The following DNAH14 variants were observed in gnomAD, a reference collection of about 807,000 sequenced individuals.
DNAH14 encodes the protein axonemal beta dynein heavy chain 14.
In DNAH14, 478 loss-of-function variants were observed where a neutral mutation model predicts 520.9. That is an observed-to-expected ratio of 0.92 (90% confidence interval 0.85 to 0.99). The LOEUF is 0.99. Ranked by LOEUF, DNAH14 falls within the 50% of genes least tolerant of loss-of-function variation. The probability of loss-of-function intolerance (pLI) is 0.00; values close to 1 mark genes in which losing one functional copy is unlikely to be tolerated. For synonymous variants in DNAH14, 1,581 were observed against 1,757.2 expected, an observed-to-expected ratio of 0.90 and a Z score of 2.51; for missense variants, 4,831 against 5,234.5, an observed-to-expected ratio of 0.92 and a Z score of 2.38.
At chr1:225,384,236 G>A (rs2095813915) in intron 81 of DNAH14, among the ~76,000 whole-genome samples, 1 of 152,208 alleles carries the variant, frequency 6.6e-6, no homozygotes, top group Admixed American at 6.5e-5. Flanking sequence ...GGAGAGTTCT[G>A]TAGATGTCTA....
chr1:225,007,080 A>T (rs1208877231), intron 9 of DNAH14, among the ~76,000 whole-genome samples: 1 of 152,206 alleles, frequency 6.6e-6, no homozygotes, highest in African/African-American at 2.4e-5. Context: ...ATTGTTACAG[A>T]TAATGGTGAC....
chr1:225,010,807 T>G (rs189385569), intron 10 of DNAH14, among the ~76,000 whole-genome samples: 171 of 152,318 alleles, frequency 1.1e-3, no homozygotes, highest in African/African-American at 4.0e-3. Context: ...TTCATCTTCT[T>G]CCTGGTTTAG....
chr1:225,107,293 G>T (rs947559243), intron 23 of DNAH14, among the ~76,000 whole-genome samples: 1 of 152,170 alleles, frequency 6.6e-6, no homozygotes, highest in Admixed American at 6.5e-5. Flanking sequence ...CCCTACTGGG[G>T]GGTGCCTCTC....
intron 12 of DNAH14, 89 bp downstream of exon 12, chr1:225,038,912 C>T (rs2067204200): frequency 1.7e-6 from 2 of 1,187,376 alleles, no homozygotes; most frequent in South Asian, 1.8e-5. Context: ...ATGATTAATA[C>T]CCACAAGCCC....
intron 8 of DNAH14, among the ~76,000 whole-genome samples, chr1:225,001,044 C>T (rs1278741806): frequency 6.6e-6 from 1 of 151,794 alleles, no homozygotes; most frequent in Non-Finnish European, 1.5e-5. Flanking sequence ...GAATAGTTAT[C>T]GAATAAAAGT....
chr1:225,150,393 A>T (rs2149083215), intron 31 of DNAH14, among the ~76,000 whole-genome samples: 1 of 152,222 alleles, frequency 6.6e-6, no homozygotes, highest in Admixed American at 6.5e-5. Context: ...TAGTGTTAGG[A>T]TGATGCTGTT....
intron 36 of DNAH14, among the ~76,000 whole-genome samples, chr1:225,177,646 G>A (rs926666662): frequency 6.6e-6 from 1 of 152,222 alleles, no homozygotes; most frequent in East Asian, 1.9e-4. Flanking sequence ...GAGGGTGCAA[G>A]CCTCAAGCCT....
At chr1:225,394,061 C>T (rs923599839) in intron 84 of DNAH14, among the ~76,000 whole-genome samples, 2 of 152,100 alleles carry the variant, frequency 1.3e-5, no homozygotes, top group Admixed American at 6.5e-5. Flanking sequence ...ACCTCGTGAT[C>T]CCCCTGCTCC....
rs1207049168 is a variant in DNAH14, at chr1:225,252,290, T to G, written c.6749-11T>G. On this transcript the variant is annotated splice_polypyrimidine_tract_variant and intron_variant, in intron 43 of 85. Transcript: ENST00000682510. ...CCCTTTCTTAGTTGAATTTATTATTTTCGGTTGTAGGCATCAACCTACCAA... is the reference window on the plus strand; with the variant it reads ...CCCTTTCTTAGTTGAATTTATTATTGTCGGTTGTAGGCATCAACCTACCAA... 5 of 1,445,482 alleles carry G rather than the reference T, an allele frequency of 3.5e-6. No homozygotes were observed. The highest frequency in any genetic ancestry group is 4.8e-6 in the Non-Finnish European group (5 of 1,050,868). 89.5% of individuals were successfully genotyped at this position (1,445,482 alleles called of 1,614,324 possible). A position where few individuals can be genotyped will look rare whatever the true frequency, so the allele number is the denominator to read the frequency against.
chr1:225,101,920 T>TTAGG lies in DNAH14; in HGVS notation c.3867+1037_3867+1040dup, dbSNP rs1249461930. Among the ~76,000 whole-genome samples the TTAGG allele has an allele frequency of 2.0e-5, 3 of 151,316 alleles. No individual in the cohort carries two copies. In the East Asian group the frequency reaches 5.9e-4, roughly 30 times the overall value. On this transcript the variant is annotated intron_variant, in intron 23 of 85. Transcript: ENST00000682510. ...TTTTTTTTTTTTAATACTTTAAGTT[T>TTAGG]TAGGGTACATGTGCACAACGTGCAG...
chr1:225,147,176 G>A lies in DNAH14; in HGVS notation c.4867G>A (p.Asp1623Asn). The A allele has an allele frequency of 6.5e-7, 1 of 1,550,314 alleles. No individual in the cohort carries two copies. Among genetic ancestry groups the A allele is most frequent in the Non-Finnish European group, 8.7e-7 (1 of 1,146,480 alleles). ...TTGTTTTGATGAATTCAATCTAATT[G>A]ATTTGGAAGTTCTCTCTGTCATTGC... ...WSCFDEFNLI[D>N]LEVLSVIASQ... is the part of the protein sequence containing the mutation. The change falls in exon 31 of 86, where the codon GAT (aspartate) becomes AAT (asparagine). Residue 1623 changes from aspartate to asparagine, a missense_variant. Asp to Asn is a conservative substitution (Grantham distance 23, BLOSUM62 1). Transcript: ENST00000682510.
chr1:225,051,843 A>G (rs1054665183), intron 17 of DNAH14, 48 bp downstream of exon 17: 29 of 1,278,936 alleles, frequency 2.3e-5, no homozygotes, highest in Non-Finnish European at 2.9e-5. Context: ...TCAGATTAGT[A>G]AATTTTAAAT....
chr1:225,142,744 A>G (rs1355612248), intron 28 of DNAH14, among the ~76,000 whole-genome samples: 1 of 152,158 alleles, frequency 6.6e-6, no homozygotes, highest in Non-Finnish European at 1.5e-5. Context: ...TCTGGCCAAC[A>G]TGGTGAAAAC....
At chr1:225,294,287 C>T (rs138298361) in intron 55 of DNAH14, among the ~76,000 whole-genome samples, 1 of 151,928 alleles carries the variant, frequency 6.6e-6, no homozygotes, top group Non-Finnish European at 1.5e-5. Flanking sequence ...GACATAAATA[C>T]CAGTTGATAA....
rs112676948 is a variant in DNAH14, at chr1:225,175,387, G to C, written c.5535+7359G>C. On this transcript the variant is annotated intron_variant, in intron 36 of 85. Transcript: ENST00000682510. ...AATCTTGATAAGTTGTATGTGTCCA[G>C]CAATATATCAGTTTCTTCTAGGTTT... Among the ~76,000 whole-genome samples, 587 of 152,176 alleles carry C rather than the reference G, an allele frequency of 3.9e-3. 4 individuals carry two copies. The highest frequency in any genetic ancestry group is 0.013 in the African/African-American group (555 of 41,530).
intron 36 of DNAH14, among the ~76,000 whole-genome samples, chr1:225,180,940 G>C (rs1277934679): frequency 1.3e-5 from 2 of 152,146 alleles, no homozygotes; most frequent in African/African-American, 4.8e-5. Context: ...AGTGAACATA[G>C]TACACAATAG....
At position 225,367,981 on chromosome 1, in the gene DNAH14, C is replaced by T. The variant is rs560813479; in HGVS notation, c.12267C>T (p.Tyr4089=). The change falls in exon 77 of 86, where the codon TAC becomes TAT. Residue 4089 remains tyrosine (Y), a synonymous_variant. Transcript: ENST00000682510. The part of the protein sequence containing the change: ...FNAVINERKN[Y]GILGWNIAYK... ...CTGTAATCAATGAAAGAAAAAATTA[C>T]GGAATATTGGGCTGGAATATTGCTT... The T allele has an allele frequency of 1.2e-4, 189 of 1,551,088 alleles. No homozygotes were observed. The highest frequency in any genetic ancestry group is 7.6e-4 in the Admixed American group (39 of 50,996).
chr1:225,270,099 T>A (rs566010582), intron 49 of DNAH14, among the ~76,000 whole-genome samples: 1 of 152,054 alleles, frequency 6.6e-6, no homozygotes, highest in South Asian at 2.1e-4. Context: ...TAGACTGGAT[T>A]AAGAAAATAT....
chr1:225,067,590 A>G (rs888330668), intron 17 of DNAH14, among the ~76,000 whole-genome samples: 2 of 152,184 alleles, frequency 1.3e-5, no homozygotes, highest in East Asian at 1.9e-4. Context: ...TCAACAGTGT[A>G]TAAGTGTTCC....
Sources: allele counts gnomAD v4.1 joint callset (sites outside exome capture counted in the v4.1 genomes callset), GRCh38; gene constraint gnomAD v4.1.1; transcripts MANE v1.5; gene names NCBI Gene and HGNC (gene_info 2026-07-23, HGNC 2026-07-21).